Variants in JARID2 observed in about 807,000 individuals in gnomAD.
JARID2 encodes protein Jumonji.
A neutral mutation model predicts 125.6 loss-of-function variants in JARID2; 21 were observed. The ratio of observed to expected loss-of-function variants is 0.17; its 90% CI spans 0.12 to 0.24. The LOEUF (loss-of-function observed/expected upper bound fraction) is 0.24. Ranked by LOEUF, JARID2 falls within the 10% of genes least tolerant of loss-of-function variation. The pLI is 1.00. For synonymous variants in JARID2, 736 were observed against 661.6 expected (o/e 1.11, Z -1.73); for missense variants, 1,303 against 1,639.6 (o/e 0.79, Z 3.55).
intron 1 of JARID2, among the ~76,000 whole-genome samples, chr6:15,333,790 G>A (rs547866347): frequency 6.6e-6 from 1 of 152,238 alleles, no homozygotes; most frequent in East Asian, 1.9e-4. Context: ...GTAAATACGT[G>A]GGTGAAAGAG....
chr6:15,518,095 C>G (rs1488995664), intron 17 of JARID2, among the ~76,000 whole-genome samples: 3 of 152,244 alleles, frequency 2.0e-5, no homozygotes, highest in Non-Finnish European at 4.4e-5. Flanking sequence ...AAAGAGCATG[C>G]TGGGTGAAGG....
intron 8 of JARID2, among the ~76,000 whole-genome samples, chr6:15,504,079 C>T (rs963646478): frequency 1.3e-5 from 2 of 152,174 alleles, no homozygotes; most frequent in Non-Finnish European, 2.9e-5. Context: ...CTGTGGGATC[C>T]CTGGTCACGA....
At chr6:15,436,830 A>G (rs1452579035) in intron 3 of JARID2, among the ~76,000 whole-genome samples, 1 of 151,124 alleles carries the variant, frequency 6.6e-6, no homozygotes, top group Non-Finnish European at 1.5e-5. Flanking sequence ...TTTCCCCCAT[A>G]ATGTTTATAT....
At chr6:15,512,422 C>G in intron 14 of JARID2, 32 bp downstream of exon 14, 1 of 1,603,266 alleles carries the variant, frequency 6.2e-7, no homozygotes, top group Non-Finnish European at 8.5e-7. Context: ...CCGCTTGCTG[C>G]CCCCGCATCC....
intron 1 of JARID2, among the ~76,000 whole-genome samples, chr6:15,316,014 T>G (rs1475802941): frequency 6.6e-6 from 1 of 151,262 alleles, no homozygotes; most frequent in East Asian, 1.9e-4. Context: ...CCTGCTTCCT[T>G]TTTTTTTTCA....
chr6:15,515,548 G>C (rs1382392517), intron 16 of JARID2, among the ~76,000 whole-genome samples: 1 of 152,164 alleles, frequency 6.6e-6, no homozygotes, highest in Non-Finnish European at 1.5e-5. Context: ...TGCTTCGGGA[G>C]GCAATGGTGG....
intron 17 of JARID2, among the ~76,000 whole-genome samples, chr6:15,519,421 T>C (rs904533770): frequency 1.3e-5 from 2 of 152,170 alleles, no homozygotes; most frequent in African/African-American, 4.8e-5. Flanking sequence ...CCTCAGATGT[T>C]TCATTCCATG....
intron 3 of JARID2, among the ~76,000 whole-genome samples, chr6:15,411,811 C>G (rs143659930): frequency 2.0e-5 from 3 of 152,212 alleles, no homozygotes; most frequent in Non-Finnish European, 2.9e-5. Flanking sequence ...GGCACCCACT[C>G]CTTTAGCTAT....
At chr6:15,456,961 G>GGCA (rs1445470695) in intron 4 of JARID2, among the ~76,000 whole-genome samples, 1 of 142,992 alleles carries the variant, frequency 7.0e-6, no homozygotes, top group Non-Finnish European at 1.5e-5. Flanking sequence ...TAAAGAAGTA[G>GGCA]GCAAAAGAAT....
At chr6:15,515,771 A>C (rs1449448323) in intron 16 of JARID2, among the ~76,000 whole-genome samples, 5 of 151,652 alleles carry the variant, frequency 3.3e-5, no homozygotes, top group Non-Finnish European at 5.9e-5. Flanking sequence ...AAACAAAAAC[A>C]AAAACCAGGC....
chr6:15,274,386 A>T (rs1446842791), intron 1 of JARID2, among the ~76,000 whole-genome samples: 1 of 152,172 alleles, frequency 6.6e-6, no homozygotes, highest in Non-Finnish European at 1.5e-5. Context: ...TGCTAGAGAA[A>T]TGGGATTGTT....
rs142394715 is a variant in JARID2 at position 15,486,143 on chromosome 6, A to G, written c.671-1164A>G. On this transcript the variant is annotated intron_variant, in intron 5 of 17. Transcript: ENST00000341776. ...ATAGCTTCCCCTTGCTGATCTGCCTAAAGGCAACCCAGGAACAGGGTGTGC... is the reference window on the plus strand; with the variant it reads ...ATAGCTTCCCCTTGCTGATCTGCCTGAAGGCAACCCAGGAACAGGGTGTGC... Among the ~76,000 whole-genome samples the G allele has an allele frequency of 2.7e-3, 418 of 152,308 alleles. 2 individuals carry two copies. Among genetic ancestry groups the G allele is most frequent in the African/African-American group, 9.7e-3 (402 of 41,568 alleles).
At chr6:15,407,094 T>TA (rs1250712709) in intron 2 of JARID2, among the ~76,000 whole-genome samples, 348 of 146,676 alleles carry the variant, frequency 2.4e-3, no homozygotes, top group African/African-American at 6.3e-3. Context: ...ACCCCATGTA[T>TA]AAAAAAAAAA....
chr6:15,337,433 G>A (rs533882340), intron 1 of JARID2, among the ~76,000 whole-genome samples: 1 of 152,134 alleles, frequency 6.6e-6, no homozygotes, highest in Non-Finnish European at 1.5e-5. Flanking sequence ...TCCCAGCTTG[G>A]GTGGCTATGC....
At chr6:15,338,799 G>A (rs530415388) in intron 1 of JARID2, among the ~76,000 whole-genome samples, 1 of 152,148 alleles carries the variant, frequency 6.6e-6, no homozygotes, top group South Asian at 2.1e-4. Flanking sequence ...TTGAATTTGG[G>A]CCCAGTAAGG....
chr6:15,320,852 C>CTCTCTGTGTG (rs541608020), intron 1 of JARID2, among the ~76,000 whole-genome samples: 4 of 145,314 alleles, frequency 2.8e-5, no homozygotes, highest in Non-Finnish European at 4.5e-5. Flanking sequence ...CTCTCTCTCT[C>CTCTCTGTGTG]TGTGTGTGTG....
At chr6:15,345,695 A>T (rs1171482714) in intron 1 of JARID2, among the ~76,000 whole-genome samples, 4 of 152,196 alleles carry the variant, frequency 2.6e-5, no homozygotes, top group African/African-American at 7.2e-5. Context: ...TAAAATACCG[A>T]TTTTGACTTT....
At position 15,353,125 on chromosome 6, in the gene JARID2, A is replaced by C. The variant is rs556887326; in HGVS notation, c.46-20992A>C. 6.5e-4 allele frequency among the ~76,000 whole-genome samples: 99 copies of C among 152,144 alleles called. 1 individual carries two copies. Among genetic ancestry groups the C allele is most frequent in the Non-Finnish European group, 8.7e-4 (59 of 68,020 alleles). On this transcript the variant is annotated intron_variant, in intron 1 of 17. Coordinates refer to ENST00000341776, the MANE Select transcript of JARID2 (RefSeq NM_004973.4). ...TAACCTTTTGAGTAATAGCCTTTTG[A>C]GTATTTTTCAGAGCCACCGTATCAT...
intron 7 of JARID2, among the ~76,000 whole-genome samples, chr6:15,497,794 C>T (rs1191022207): frequency 4.6e-5 from 7 of 152,160 alleles, no homozygotes; most frequent in Non-Finnish European, 1.5e-5. Context: ...GGAGCGCTGC[C>T]CCTCTGGATT....
Sources: allele counts gnomAD v4.1 joint callset (sites outside exome capture counted in the v4.1 genomes callset), GRCh38; gene constraint gnomAD v4.1.1; transcripts MANE v1.5; gene names NCBI Gene and HGNC (gene_info 2026-07-23, HGNC 2026-07-21).